RNF216: variants seen among roughly 807,000 people sequenced by gnomAD.
RNF216 encodes the protein ring finger protein 216, also known as E3 ubiquitin-protein ligase RNF216.
In RNF216, 72 loss-of-function variants were observed where a neutral mutation model predicts 110.8. That is an observed-to-expected ratio of 0.65 (90% CI 0.54 to 0.79). RNF216 has a LOEUF of 0.79. RNF216 is among the 30% of genes least tolerant of loss of function. The pLI, the probability that RNF216 is intolerant of heterozygous loss-of-function variation, is 0.00. For synonymous variants in RNF216, 495 were observed against 407.5 expected, an observed-to-expected ratio of 1.21 and a Z score of -2.59; for missense variants, 1,342 against 1,141.2, an observed-to-expected ratio of 1.18 and a Z score of -2.54.
intron 15 of RNF216, among the ~76,000 whole-genome samples, chr7:5,629,808 C>G (rs1373447960): frequency 9.7e-6 from 1 of 102,840 alleles, no homozygotes; most frequent in Non-Finnish European, 1.8e-5. Flanking sequence ...GCCTGGGCAA[C>G]AGAGCAAGAC....
Position 5,624,046 on chromosome 7 carries a change from G to A in RNF216, c.2452+10C>T. On this transcript the variant is annotated intron_variant, in intron 16 of 16. Coordinates refer to ENST00000389902, the MANE Select transcript of RNF216 (RefSeq NM_207111.4). This position sits in a 1 kb window ranked among gnomAD's most constrained non-coding sequence, Gnocchi z 4.4. ...TGCTCTGTCCTGGGGGCCTGGGGAG[G>A]GGCACTTGCCTCCATTCTTTCTTTT... 1 of 1,611,950 alleles carries A rather than the reference G, an allele frequency of 6.2e-7. No homozygotes were observed. The highest frequency in any genetic ancestry group is 8.5e-7 in the Non-Finnish European group (1 of 1,178,994).
At chr7:5,781,272 G>A (rs1457266180) in intron 1 of RNF216, among the ~76,000 whole-genome samples, 1 of 152,134 alleles carries the variant, frequency 6.6e-6, no homozygotes, top group Non-Finnish European at 1.5e-5. Context: ...GCCGGCCCGC[G>A]AAACTTCGCG....
In RNF216 at chr7:5,650,415, C is replaced by T. The variant is rs145457116; in HGVS notation, c.2159+1998G>A. ...AGGCTGTGCTTTGTAAGTAATTCTC[C>T]TTCCAAGAAACATCTCACAGCCTGC... On this transcript the variant is annotated intron_variant, in intron 14 of 16. Coordinates refer to ENST00000389902, the MANE Select transcript of RNF216 (RefSeq NM_207111.4). 5.5e-4 allele frequency among the ~76,000 whole-genome samples: 84 copies of T among 152,304 alleles called. 1 individual carries two copies. The highest frequency in any genetic ancestry group is 1.9e-3 in the African/African-American group (81 of 41,566).
intron 15 of RNF216, among the ~76,000 whole-genome samples, chr7:5,627,677 G>T (rs1204803867): frequency 6.6e-6 from 1 of 151,958 alleles, no homozygotes; most frequent in Non-Finnish European, 1.5e-5. Flanking sequence ...AACCTGGGAG[G>T]TGGAGGTTGC....
chr7:5,755,970 G>T (rs936086553), intron 2 of RNF216, among the ~76,000 whole-genome samples: 2 of 45,466 alleles, frequency 4.4e-5, no homozygotes, highest in Admixed American at 5.6e-4. Flanking sequence ...TTTATATACT[G>T]TCTATAGATT....
chr7:5,768,331 G>A (rs13240446), intron 1 of RNF216, among the ~76,000 whole-genome samples: 1 of 58,718 alleles, frequency 1.7e-5, no homozygotes, highest in African/African-American at 6.2e-5. Flanking sequence ...GTAGTGGGAG[G>A]CCGAGGCAGG....
chr7:5,760,700 A>G (rs1363877728), intron 2 of RNF216, among the ~76,000 whole-genome samples: 1 of 152,184 alleles, frequency 6.6e-6, no homozygotes, highest in African/African-American at 2.4e-5. Context: ...ACTCCTTTAT[A>G]ATCACCACGC....
At chr7:5,756,707 G>A (rs1253982168) in intron 2 of RNF216, among the ~76,000 whole-genome samples, 1 of 152,170 alleles carries the variant, frequency 6.6e-6, no homozygotes, top group African/African-American at 2.4e-5. Context: ...CTGCAGCCTT[G>A]ACCTACTACT....
chr7:5,635,027 T>C (rs1490764739), intron 15 of RNF216, among the ~76,000 whole-genome samples: 1 of 152,150 alleles, frequency 6.6e-6, no homozygotes, highest in South Asian at 2.1e-4. Flanking sequence ...CGACCATGTA[T>C]TTGTGGCAGG....
At chr7:5,710,292 G>A (rs1030167187) in intron 13 of RNF216, among the ~76,000 whole-genome samples, 4 of 151,990 alleles carry the variant, frequency 2.6e-5, no homozygotes, top group Admixed American at 1.3e-4. Context: ...GCCAGGAGGC[G>A]GAGGTTGCAG....
chr7:5,652,531 CAA>C (rs775668314), intron 13 of RNF216, 21 bp from the exon 14 acceptor site: 2 of 1,519,208 alleles, frequency 1.3e-6, no homozygotes, highest in South Asian at 2.2e-5. Context: ...AGGACAGACA[CAA>C]AGACAACTCC....
Position 5,745,617 on chromosome 7 carries a change from G to C in RNF216, c.202-3802C>G, listed in dbSNP as rs147623466. 3.2e-3 allele frequency among the ~76,000 whole-genome samples: 488 copies of C among 152,088 alleles called. 1 individual carries two copies. The highest frequency in any genetic ancestry group is 0.011 in the African/African-American group (455 of 41,500). On this transcript the variant is annotated intron_variant, in intron 3 of 16. Transcript: ENST00000389902. ...ATAAAATTAATGTAAAAAGCAACAA[G>C]GGCAGGGCACGGTGGCTCACGCCTG...
chr7:5,761,781 G>A (rs1300844936), intron 1 of RNF216, among the ~76,000 whole-genome samples: 3 of 148,132 alleles, frequency 2.0e-5, no homozygotes, highest in African/African-American at 2.5e-5. Flanking sequence ...GTGAGACTCC[G>A]TCACAAAAAA....
intron 13 of RNF216, among the ~76,000 whole-genome samples, chr7:5,698,606 C>CTGGT (rs1474150325): frequency 6.6e-6 from 1 of 151,372 alleles, no homozygotes; most frequent in African/African-American, 2.4e-5. Context: ...GTTGCCCAGG[C>CTGGT]TGGTCTTGAA....
chr7:5,719,909 G>C (rs1362101833), intron 9 of RNF216, among the ~76,000 whole-genome samples: 34 of 152,232 alleles, frequency 2.2e-4, no homozygotes, highest in Admixed American at 2.2e-3. Context: ...GGATGTGGCA[G>C]AAGCACTTTA....
Position 5,620,458 on chromosome 7 carries a change from G to A in RNF216, c.*2402C>T, listed in dbSNP as rs1786283207. 1 of 152,308 alleles carries A rather than the reference G, an allele frequency of 6.6e-6. No individual in the cohort carries two copies. The highest frequency in any genetic ancestry group is 6.5e-5 in the Admixed American group (1 of 15,270). The allele number at this position is 152,308 out of a possible 1,614,324, so 9.4% of individuals were successfully genotyped here. ...CCCCAGTGCTTCTCTCCCCAATGCT[G>A]TCACTGGTCCAGGCAGGAGCCCGAG... On this transcript the variant is annotated 3_prime_UTR_variant, in exon 17 of 17. Transcript: ENST00000389902.
rs745682845 is a variant in RNF216, at chr7:5,620,930, G to A, written c.*1930C>T. The A allele has an allele frequency of 1.3e-5, 2 of 152,230 alleles. No individual in the cohort carries two copies. The highest frequency in any genetic ancestry group is 1.9e-4 in the East Asian group (1 of 5,184). 9.4% of individuals were successfully genotyped at this position (152,230 alleles called of 1,614,324 possible). On this transcript the variant is annotated 3_prime_UTR_variant, in exon 17 of 17. Coordinates refer to ENST00000389902, the MANE Select transcript of RNF216 (RefSeq NM_207111.4). ...GAGATCCTCCCTGGGGAAGCACAGG[G>A]AGCATATTTAAGGTACCGAAGACAA...
chr7:5,761,109 T>C lies in RNF216; in HGVS notation c.-40A>G, dbSNP rs769615962. 2.2e-6 allele frequency: 3 copies of C among 1,340,564 alleles called. No individual in the cohort carries two copies. In the South Asian group the frequency reaches 4.0e-5, roughly 18 times the overall value. The allele number at this position is 1,340,564 out of a possible 1,614,324, so 83.0% of individuals were successfully genotyped here. A position where few individuals can be genotyped will look rare whatever the true frequency, so the allele number is the denominator to read the frequency against. ...ATGCATATATGGGACTGCTAATATC[T>C]AAACATGGTGACCATCTGTTTCAAA... On this transcript the variant is annotated 5_prime_UTR_variant, in exon 2 of 17. Transcript: ENST00000389902.
At chr7:5,715,858 C>T (rs574918569) in intron 10 of RNF216, among the ~76,000 whole-genome samples, 66 of 151,290 alleles carry the variant, frequency 4.4e-4, no homozygotes, top group Admixed American at 9.2e-4. Flanking sequence ...TCTCCTGCTT[C>T]AGCCTCCCGA....
Sources: gnomAD v4.1 joint callset for allele counts (sites outside exome capture counted in the v4.1 genomes callset) on GRCh38, gnomAD v4.1.1 for gene constraint, Gnocchi (gnomAD v3.1) non-coding constraint, MANE v1.5 for transcripts, NCBI Gene and HGNC (gene_info 2026-07-23, HGNC 2026-07-21) for gene names.